LGR6: variants seen among roughly 807,000 people sequenced by gnomAD.
LGR6 encodes the protein leucine-rich repeat-containing G protein-coupled receptor 6.
In LGR6, 45 loss-of-function variants were observed where a neutral mutation model predicts 69.4. The ratio of observed to expected loss-of-function variants is 0.65; its 90% CI spans 0.51 to 0.83. The LOEUF (loss-of-function observed/expected upper bound fraction) is 0.83. Ranked by LOEUF, LGR6 falls within the 40% of genes least tolerant of loss-of-function variation. The pLI, the probability that LGR6 is intolerant of heterozygous loss-of-function variation, is 0.00. For missense variants in LGR6, 1,108 were observed against 1,246.7 expected (o/e 0.89, Z 1.68); for synonymous variants, 538 against 555.0 (o/e 0.97, Z 0.43).
chr1:202,305,285 C>T (rs563068529), intron 11 of LGR6, among the ~76,000 whole-genome samples: 1 of 152,272 alleles, frequency 6.6e-6, no homozygotes, highest in South Asian at 2.1e-4. Flanking sequence ...TCCCTAAGGG[C>T]CTCCAGCTCT....
chr1:202,273,452 T>G (rs1046957876), intron 4 of LGR6, among the ~76,000 whole-genome samples: 44 of 150,286 alleles, frequency 2.9e-4, no homozygotes, highest in Non-Finnish European at 4.6e-4. Context: ...ATGTGACCTG[T>G]TTTTTTTTGT....
At chr1:202,204,341 T>G (rs1474736063) in intron 1 of LGR6, among the ~76,000 whole-genome samples, 1 of 57,436 alleles carries the variant, frequency 1.7e-5, no homozygotes, top group Middle Eastern at 0.016. Context: ...CACACACACC[T>G]CCACACACAC....
chr1:202,199,489 C>T (rs181954882), intron 1 of LGR6, among the ~76,000 whole-genome samples: 1 of 152,320 alleles, frequency 6.6e-6, no homozygotes, highest in African/African-American at 2.4e-5. Flanking sequence ...CTGGCAGCAG[C>T]GGGCATGGGG....
intron 15 of LGR6, 124 bp from the exon 16 acceptor site, chr1:202,310,073 A>C: frequency 4.4e-6 from 4 of 905,414 alleles, no homozygotes; most frequent in Non-Finnish European, 6.9e-6. Context: ...TGAACAGGGA[A>C]CTTGGGAGTT....
intron 4 of LGR6, among the ~76,000 whole-genome samples, chr1:202,240,010 C>T (rs888586038): frequency 1.4e-4 from 21 of 152,160 alleles, no homozygotes; most frequent in Non-Finnish European, 2.5e-4. Context: ...GTTGAGCTGA[C>T]ACCCAGTTCT....
rs942313872 is a variant in LGR6, at chr1:202,314,672, G to C, written c.1568-130G>C. The stretch of plus-strand genomic sequence containing the variant: ...CCCCAAGGGTAGAAATGGATGTGCC[G>C]GGTTGCTAGAATGAACAGTGCTGAG... On this transcript the variant is annotated intron_variant, in intron 16 of 17. Transcript: ENST00000367278. The C allele has an allele frequency of 4.5e-6, 3 of 672,378 alleles. No homozygotes were observed. In the Admixed American group the frequency reaches 6.8e-5, roughly 15 times the overall value. 41.7% of individuals were successfully genotyped at this position (672,378 alleles called of 1,614,324 possible).
intron 4 of LGR6, among the ~76,000 whole-genome samples, chr1:202,256,355 C>G (rs1227052535): frequency 6.6e-6 from 1 of 151,922 alleles, no homozygotes; most frequent in Non-Finnish European, 1.5e-5. Flanking sequence ...GCGATTCTCC[C>G]GCCTCAGCCT....
chr1:202,239,380 T>TG (rs1459456022), intron 4 of LGR6, among the ~76,000 whole-genome samples: 1 of 128,012 alleles, frequency 7.8e-6, no homozygotes, highest in Non-Finnish European at 1.7e-5. Flanking sequence ...TGTGTGTGTG[T>TG]GTGTGGTGTG....
At chr1:202,269,324 T>G (rs996128106) in intron 4 of LGR6, among the ~76,000 whole-genome samples, 2 of 152,124 alleles carry the variant, frequency 1.3e-5, no homozygotes, top group Admixed American at 6.5e-5. Flanking sequence ...TGTGGGAGTT[T>G]GGGCAGAGAA....
At chr1:202,224,572 G>T (rs1450380825) in intron 1 of LGR6, among the ~76,000 whole-genome samples, 1 of 152,160 alleles carries the variant, frequency 6.6e-6, no homozygotes, top group African/African-American at 2.4e-5. Context: ...GTGGGGGATG[G>T]TTTCGGGATG....
Position 202,214,377 on chromosome 1 carries a change from C to A in LGR6, c.213-11046C>A, listed in dbSNP as rs752927469. ...AATCCCCTTCCATTGTTCTGGGAGC[C>A]GAGGCCGCCTCCCCACTTCCGGACC... is the stretch of plus-strand genomic sequence containing the variant. On this transcript the variant is annotated intron_variant, in intron 1 of 17. Coordinates refer to ENST00000367278, the MANE Select transcript of LGR6 (RefSeq NM_001017403.2). The A allele has an allele frequency of 2.2e-5, 19 of 864,178 alleles. No homozygotes were observed. In the South Asian group the frequency reaches 2.6e-4, roughly 12 times the overall value. The allele number at this position is 864,178 out of a possible 1,614,324, so 53.5% of individuals were successfully genotyped here.
At chr1:202,255,582 C>T (rs1479706313) in intron 4 of LGR6, among the ~76,000 whole-genome samples, 2 of 152,196 alleles carry the variant, frequency 1.3e-5, no homozygotes, top group East Asian at 3.8e-4. Flanking sequence ...GTTAATTATA[C>T]ACTGACGTAC....
intron 1 of LGR6, among the ~76,000 whole-genome samples, chr1:202,205,616 CACACAT>C (rs1386303583): frequency 1.4e-5 from 2 of 146,532 alleles, no homozygotes; most frequent in Non-Finnish European, 3.0e-5. Flanking sequence ...ACACCTCCTT[CACACAT>C]ACACATACAC....
In LGR6 at chr1:202,214,562, C is replaced by G. The variant is rs146538366; in HGVS notation, c.213-10861C>G. Among the ~76,000 whole-genome samples, 1,418 of 152,258 alleles carry G rather than the reference C, an allele frequency of 9.3e-3. 23 individuals are homozygous for G. Among genetic ancestry groups the G allele is most frequent in the African/African-American group, 0.033 (1,356 of 41,560 alleles). ...GCAGCTAGGGGCTCCACTGAACCAC[C>G]TGGCGTGGGTTCGCGCTGCCAATTC... On this transcript the variant is annotated intron_variant, in intron 1 of 17. Coordinates refer to ENST00000367278, the MANE Select transcript of LGR6 (RefSeq NM_001017403.2).
intron 4 of LGR6, among the ~76,000 whole-genome samples, chr1:202,251,847 G>A (rs1263284463): frequency 4.7e-5 from 7 of 150,444 alleles, no homozygotes; most frequent in Non-Finnish European, 1.0e-4. Context: ...CTGGAAGGGA[G>A]AGGAGATGGG....
chr1:202,210,512 C>G (rs1659423927), intron 1 of LGR6, among the ~76,000 whole-genome samples: 1 of 152,014 alleles, frequency 6.6e-6, no homozygotes, highest in African/African-American at 2.4e-5. Context: ...CTCTTCAGAC[C>G]TGGTAGTAGC....
rs769056242 is a variant in LGR6 at position 202,197,021 on chromosome 1, A to C, written c.212+2820A>C. The C allele has an allele frequency of 5.6e-6, 3 of 532,916 alleles. No homozygotes were observed. In the African/African-American group the frequency reaches 5.8e-5, roughly 10 times the overall value. The allele number at this position is 532,916 out of a possible 1,614,324, so 33.0% of individuals were successfully genotyped here. ...AAAATGTTAAAACACTTGGACATGCAGGAAGTAGCAGGCCAGAGAAGACTC... is the reference window on the plus strand; with the variant it reads ...AAAATGTTAAAACACTTGGACATGCCGGAAGTAGCAGGCCAGAGAAGACTC... On this transcript the variant is annotated intron_variant, in intron 1 of 17. Transcript: ENST00000367278.
intron 4 of LGR6, 100 bp from the exon 5 acceptor site, chr1:202,276,206 C>G: frequency 3.3e-6 from 3 of 916,858 alleles, no homozygotes; most frequent in Non-Finnish European, 5.1e-6. Context: ...CCCAGGGAGC[C>G]TCAAAGGCCC....
At chr1:202,292,190 C>G (rs74136774) in intron 6 of LGR6, among the ~76,000 whole-genome samples, 3 of 152,240 alleles carry the variant, frequency 2.0e-5, no homozygotes, top group African/African-American at 7.2e-5. Context: ...GTCTGTAAGC[C>G]CTTGTTCTGG....
Sources: gnomAD v4.1 joint callset for allele counts (sites outside exome capture counted in the v4.1 genomes callset) on GRCh38, gnomAD v4.1.1 for gene constraint, MANE v1.5 for transcripts, NCBI Gene and HGNC (gene_info 2026-07-23, HGNC 2026-07-21) for gene names.